Variants in C5orf15 observed in about 807,000 individuals in gnomAD.
C5orf15 encodes the protein chromosome 5 open reading frame 15.
Under a neutral mutation model 17.8 loss-of-function variants are expected in C5orf15, and 10 were observed. The observed-to-expected ratio is 0.56, with a 90% CI of 0.35 to 0.95. The LOEUF is 0.95. Ranked by LOEUF, C5orf15 falls within the 40% of genes least tolerant of loss-of-function variation. C5orf15 has a pLI of 0.02. For synonymous variants in C5orf15, 124 were observed against 131.0 expected, an observed-to-expected ratio of 0.95 and a Z score of 0.36; for missense variants, 319 against 331.7, an observed-to-expected ratio of 0.96 and a Z score of 0.30.
intron 1 of C5orf15, among the ~76,000 whole-genome samples, chr5:133,964,854 T>C (rs955345370): frequency 3.3e-5 from 5 of 152,172 alleles, no homozygotes; most frequent in Admixed American, 1.3e-4. Flanking sequence ...AAGTAACCAT[T>C]ATCTCACATG....
intron 1 of C5orf15, among the ~76,000 whole-genome samples, chr5:133,965,962 G>T (rs1048241633): frequency 6.6e-6 from 1 of 151,344 alleles, no homozygotes; most frequent in Admixed American, 6.6e-5. Flanking sequence ...CAGTGGCTCA[G>T]GCCTGTAATC....
intron 1 of C5orf15, among the ~76,000 whole-genome samples, chr5:133,961,721 A>T (rs1036654200): frequency 1.3e-5 from 2 of 149,286 alleles, no homozygotes; most frequent in African/African-American, 2.5e-5. Flanking sequence ...GGCACATGCT[A>T]CCCTGCCTGG....
At chr5:133,962,325 TC>T (rs1490635111) in intron 1 of C5orf15, among the ~76,000 whole-genome samples, 1 of 152,164 alleles carries the variant, frequency 6.6e-6, no homozygotes, top group Non-Finnish European at 1.5e-5. Flanking sequence ...GAAACCTGAC[TC>T]TCCCTTAAGG....
chr5:133,959,404 C>CTTTTTTAA (rs1752084810), intron 2 of C5orf15, 90 bp downstream of exon 2: 1 of 121,926 alleles, frequency 8.2e-6, no homozygotes, highest in Non-Finnish European at 1.3e-5. Flanking sequence ...CTTTTTTTTG[C>CTTTTTTAA]AAAAAAAAAA....
chr5:133,959,431 ACCATGAATCAT>A, intron 2 of C5orf15, 52 bp downstream of exon 2: 1 of 637,666 alleles, frequency 1.6e-6, no homozygotes, highest in Non-Finnish European at 2.4e-6. Flanking sequence ...AAAAAAAAGA[ACCATGAATCAT>A]CAAAAGCATT....
chr5:133,958,058 A>T (rs1752062317), intron 2 of C5orf15, among the ~76,000 whole-genome samples: 1 of 151,902 alleles, frequency 6.6e-6, no homozygotes, highest in Non-Finnish European at 1.5e-5. Flanking sequence ...TCACAATATT[A>T]TTTCTGAACC....
chr5:133,955,750 T>C lies in C5orf15; in HGVS notation c.*1109A>G, dbSNP rs1236627700. 1.3e-5 allele frequency: 2 copies of C among 152,632 alleles called. No individual in the cohort carries two copies. Among genetic ancestry groups the C allele is most frequent in the African/African-American group, 4.8e-5 (2 of 41,454 alleles). The allele number at this position is 152,632 out of a possible 1,614,324, so 9.5% of individuals were successfully genotyped here. On this transcript the variant is annotated 3_prime_UTR_variant, in exon 3 of 3. Transcript: ENST00000231512. ...TCCTGCTTAACATATATTAGGGCTATGTTTTCTAAAAAGCTGTAGTGACAC... is the reference window on the plus strand; with the variant it reads ...TCCTGCTTAACATATATTAGGGCTACGTTTTCTAAAAAGCTGTAGTGACAC...
chr5:133,957,111 C>T (rs1478928963), intron 2 of C5orf15, 121 bp from the exon 3 acceptor site: 4 of 914,994 alleles, frequency 4.4e-6, no homozygotes, highest in Non-Finnish European at 6.6e-6. Flanking sequence ...ATATCAACAA[C>T]AAAAAAGCTA....
intron 1 of C5orf15, among the ~76,000 whole-genome samples, chr5:133,963,642 CTT>C (rs1393102910): frequency 1.3e-5 from 2 of 152,216 alleles, no homozygotes; most frequent in Non-Finnish European, 2.9e-5. Flanking sequence ...AAATGGCAGA[CTT>C]CAGCTCTAAC....
At chr5:133,964,592 A>T (rs1281548427) in intron 1 of C5orf15, among the ~76,000 whole-genome samples, 1 of 152,208 alleles carries the variant, frequency 6.6e-6, no homozygotes, top group African/African-American at 2.4e-5. Flanking sequence ...TCTCTATATT[A>T]TTTCTTACAA....
intron 2 of C5orf15, among the ~76,000 whole-genome samples, chr5:133,958,834 T>C (rs1752076270): frequency 6.6e-6 from 1 of 151,976 alleles, no homozygotes; most frequent in South Asian, 2.1e-4. Context: ...AAGACAAATA[T>C]TAAATTAACA....
At chr5:133,959,384 A>C (rs1752083927) in intron 2 of C5orf15, 110 bp downstream of exon 2, 3 of 724,716 alleles carry the variant, frequency 4.1e-6, no homozygotes, top group Non-Finnish European at 2.0e-6. Context: ...ACAGAGTGAA[A>C]CCCACTACAC....
chr5:133,962,901 A>G (rs1001936568), intron 1 of C5orf15, among the ~76,000 whole-genome samples: 2 of 152,156 alleles, frequency 1.3e-5, no homozygotes, highest in African/African-American at 2.4e-5. Flanking sequence ...GTCAGCTATT[A>G]TAATTGCTTA....
chr5:133,964,160 T>C (rs1752162868), intron 1 of C5orf15, among the ~76,000 whole-genome samples: 1 of 152,086 alleles, frequency 6.6e-6, no homozygotes, highest in Non-Finnish European at 1.5e-5. Context: ...GAGGTTGCAG[T>C]GAGCCGAGAT....
At chr5:133,960,125 T>G in intron 1 of C5orf15, 105 bp from the exon 2 acceptor site, 1 of 941,342 alleles carries the variant, frequency 1.1e-6, no homozygotes, top group Non-Finnish European at 1.6e-6. Flanking sequence ...TCTGCTACAT[T>G]CCTATAACTT....
chr5:133,959,637 A>C lies in C5orf15; in HGVS notation c.523T>G (p.Tyr175Asp), dbSNP rs1752088871. Residue 175 changes from tyrosine (Y) to aspartate (D), a missense_variant, in exon 2 of 3, where the codon TAC becomes GAC. Tyr to Asp is a radical substitution (Grantham distance 160, BLOSUM62 -3). Coordinates refer to ENST00000231512, the MANE Select transcript of C5orf15 (RefSeq NM_020199.3). ...SDDTLEENRG[Y>D]MEIEQSVKSF... is the part of the protein sequence containing the mutation. The stretch of plus-strand genomic sequence containing the variant: ...TTCACTGACTGTTCAATTTCCATGT[A>C]ACCCCTGTTTTCTTCCAAGGTGTCA... The C allele has an allele frequency of 1.2e-6, 2 of 1,613,680 alleles. No individual in the cohort carries two copies. The highest frequency in any genetic ancestry group is 1.3e-5 in the African/African-American group (1 of 74,902).
intron 2 of C5orf15, among the ~76,000 whole-genome samples, chr5:133,957,418 C>T (rs1201109655): frequency 6.6e-6 from 1 of 150,746 alleles, no homozygotes; most frequent in African/African-American, 2.4e-5. Context: ...GAAGGCTAAA[C>T]AGTGCTTCTC....
At chr5:133,968,157 CG>C (rs1299950143) in intron 1 of C5orf15, among the ~76,000 whole-genome samples, 1 of 151,972 alleles carries the variant, frequency 6.6e-6, no homozygotes, top group Non-Finnish European at 1.5e-5. Context: ...GATCTCTAGG[CG>C]CTAACACCAC....
chr5:133,964,045 C>T (rs1343307956), intron 1 of C5orf15, among the ~76,000 whole-genome samples: 1 of 152,064 alleles, frequency 6.6e-6, no homozygotes, highest in Non-Finnish European at 1.5e-5. Flanking sequence ...GGTGAAACCC[C>T]ATCTCTACCA....
Sources: allele counts gnomAD v4.1 joint callset (sites outside exome capture counted in the v4.1 genomes callset), GRCh38; gene constraint gnomAD v4.1.1; transcripts MANE v1.5; gene names NCBI Gene and HGNC (gene_info 2026-07-23, HGNC 2026-07-21).